Variants in LTBP1 observed in about 807,000 individuals in gnomAD.
LTBP1 encodes the protein latent transforming growth factor beta binding protein 1.
In LTBP1, 129 loss-of-function variants were observed where a neutral mutation model predicts 207.6. The observed-to-expected ratio is 0.62, with a 90% CI of 0.54 to 0.72. LTBP1 has a LOEUF of 0.72. Among genes scored for constraint, LTBP1 ranks in the 30% least tolerant of loss-of-function variants. LTBP1 has a pLI of 0.00. For synonymous variants in LTBP1, 963 were observed against 833.7 expected (o/e 1.16, Z -2.67); for missense variants, 2,281 against 2,217.2 (o/e 1.03, Z -0.58).
intron 3 of LTBP1, among the ~76,000 whole-genome samples, chr2:33,090,640 TA>T (rs1038266059): frequency 5.9e-5 from 9 of 152,136 alleles, no homozygotes; most frequent in African/African-American, 1.9e-4. Context: ...GTTGTGTAAC[TA>T]GGGGGTAGGG....
chr2:33,131,408 A>G lies in LTBP1; in HGVS notation c.1034-3385A>G, dbSNP rs1470656942. Among the ~76,000 whole-genome samples, 5 of 152,192 alleles carry G rather than the reference A, an allele frequency of 3.3e-5. No individual in the cohort carries two copies. In the East Asian group the frequency reaches 9.6e-4, roughly 29 times the overall value. ...GGATCTCTGTTTGATGAACTTTAAA[A>G]CTTAAACTTTTTACACTATACCCTA... On this transcript the variant is annotated intron_variant, in intron 4 of 33. Coordinates refer to ENST00000404816, the MANE Select transcript of LTBP1 (RefSeq NM_206943.4).
intron 31 of LTBP1, among the ~76,000 whole-genome samples, chr2:33,388,548 A>C (rs2095287475): frequency 6.6e-6 from 1 of 152,128 alleles, no homozygotes; most frequent in African/African-American, 2.4e-5. Flanking sequence ...AGTGCTTAGA[A>C]CAGTATCTGG....
At chr2:33,045,011 T>C (rs961509560) in intron 3 of LTBP1, among the ~76,000 whole-genome samples, 1 of 152,192 alleles carries the variant, frequency 6.6e-6, no homozygotes, top group Non-Finnish European at 1.5e-5. Context: ...ATTCTGGATA[T>C]TAGCCCTTGT....
At chr2:33,337,511 AT>A in intron 24 of LTBP1, among the ~76,000 whole-genome samples, 1 of 152,346 alleles carries the variant, frequency 6.6e-6, no homozygotes, top group African/African-American at 2.4e-5. Flanking sequence ...CTTTATTTCC[AT>A]TGAAATATCA....
intron 3 of LTBP1, among the ~76,000 whole-genome samples, chr2:33,028,796 A>G (rs2075553135): frequency 6.6e-6 from 1 of 152,140 alleles, no homozygotes; most frequent in African/African-American, 2.4e-5. Context: ...TTGACCTTGC[A>G]GTGTTGAATC....
At chr2:33,102,282 G>C (rs1034288543) in intron 3 of LTBP1, among the ~76,000 whole-genome samples, 3 of 151,240 alleles carry the variant, frequency 2.0e-5, no homozygotes, top group Non-Finnish European at 2.9e-5. Context: ...CTGTTGGGGT[G>C]GGGGGCTGTT....
intron 15 of LTBP1, among the ~76,000 whole-genome samples, chr2:33,266,853 C>A (rs2093194391): frequency 6.6e-6 from 1 of 152,156 alleles, no homozygotes; most frequent in Non-Finnish European, 1.5e-5. Context: ...AACTCAGAGC[C>A]CACCAAATGG....
At chr2:33,019,901 A>G (rs2075075618) in intron 2 of LTBP1, among the ~76,000 whole-genome samples, 2 of 142,958 alleles carry the variant, frequency 1.4e-5, no homozygotes, top group South Asian at 2.2e-4. Context: ...TTTGGTAGAG[A>G]CAGGGTCTTA....
intron 2 of LTBP1, among the ~76,000 whole-genome samples, chr2:32,961,205 C>A (rs1351716141): frequency 6.6e-6 from 1 of 152,176 alleles, no homozygotes; most frequent in Non-Finnish European, 1.5e-5. Flanking sequence ...GCCTGACCAC[C>A]TGCCTGGTGC....
At chr2:33,112,041 A>T (rs1185649312) in intron 4 of LTBP1, among the ~76,000 whole-genome samples, 1 of 152,238 alleles carries the variant, frequency 6.6e-6, no homozygotes, top group Non-Finnish European at 1.5e-5. Context: ...GAAAAGATGT[A>T]CTTCTTATTT....
At chr2:32,976,184 G>A (rs1442534209) in intron 2 of LTBP1, among the ~76,000 whole-genome samples, 3 of 152,188 alleles carry the variant, frequency 2.0e-5, no homozygotes, top group Admixed American at 2.0e-4. Flanking sequence ...ATTCTGTGGG[G>A]CTGGTATGGG....
At chr2:33,103,501 G>A (rs976710193) in intron 3 of LTBP1, among the ~76,000 whole-genome samples, 2 of 151,982 alleles carry the variant, frequency 1.3e-5, no homozygotes, top group African/African-American at 4.8e-5. Flanking sequence ...TTCATCAGCA[G>A]CCTGTTACCT....
chr2:33,191,789 C>T (rs2087915202), intron 7 of LTBP1, among the ~76,000 whole-genome samples: 2 of 152,278 alleles, frequency 1.3e-5, no homozygotes, highest in South Asian at 4.1e-4. Flanking sequence ...TTATTAATTG[C>T]AAGTGTCAAA....
chr2:33,035,214 T>C (rs372818174), intron 3 of LTBP1, among the ~76,000 whole-genome samples: 17 of 152,312 alleles, frequency 1.1e-4, no homozygotes, highest in African/African-American at 3.8e-4. Context: ...AAGCAGTCCT[T>C]GTATGATTTA....
intron 10 of LTBP1, among the ~76,000 whole-genome samples, chr2:33,245,175 C>A (rs180987634): frequency 2.6e-5 from 4 of 152,144 alleles, no homozygotes; most frequent in African/African-American, 9.7e-5. Flanking sequence ...CCACCATGCC[C>A]GGCCACTTTT....
chr2:33,121,141 A>C (rs895804727), intron 4 of LTBP1, among the ~76,000 whole-genome samples: 1 of 148,290 alleles, frequency 6.7e-6, no homozygotes, highest in Non-Finnish European at 1.5e-5. Flanking sequence ...TCTTCAGTGG[A>C]AATAAATTTT....
intron 4 of LTBP1, among the ~76,000 whole-genome samples, chr2:33,129,061 C>T (rs111408363): frequency 6.6e-6 from 1 of 152,046 alleles, no homozygotes; most frequent in Non-Finnish European, 1.5e-5. Context: ...CAGCCTGGAA[C>T]AGAGACACCT....
At chr2:33,138,968 C>T (rs12611826) in intron 5 of LTBP1, among the ~76,000 whole-genome samples, 17,245 of 146,614 alleles carry the variant, frequency 0.12, 1,518 homozygotes, top group East Asian at 0.32. Flanking sequence ...ACGCCATTCT[C>T]CTGCCTCAGC....
rs78060066 is a variant in LTBP1 at position 32,948,605 on chromosome 2, A to T, written c.495-270A>T. Among the ~76,000 whole-genome samples the T allele has an allele frequency of 6.7e-3, 1,021 of 152,296 alleles. 8 individuals carry two copies. The highest frequency in any genetic ancestry group is 0.024 in the African/African-American group (985 of 41,548). ...CTCTACTGTAATTTGGGGGTAAGAA[A>T]ACCATTTGTTGGGCCCTGTTCTCCC... On this transcript the variant is annotated intron_variant, in intron 1 of 33. Transcript: ENST00000404816.
Sources: allele counts gnomAD v4.1 joint callset (sites outside exome capture counted in the v4.1 genomes callset), GRCh38; gene constraint gnomAD v4.1.1; transcripts MANE v1.5; gene names NCBI Gene and HGNC (gene_info 2026-07-23, HGNC 2026-07-21).